Variants in FRG1 observed in about 807,000 individuals in gnomAD.
FRG1 encodes FSHD region gene 1.
A neutral mutation model predicts 37.0 loss-of-function variants in FRG1; 19 were observed. The observed-to-expected ratio is 0.51, with a 90% CI of 0.36 to 0.75. FRG1 has a LOEUF of 0.75. Among genes scored for constraint, FRG1 ranks in the 30% least tolerant of loss-of-function variants. The pLI is 0.00. For synonymous variants in FRG1, 73 were observed against 96.5 expected (o/e 0.76, Z 1.43); for missense variants, 243 against 301.4 (o/e 0.81, Z 1.44).
intron 2 of FRG1, among the ~76,000 whole-genome samples, chr4:189,944,822 G>A (rs112964359): frequency 2.0e-5 from 3 of 152,112 alleles, no homozygotes; most frequent in African/African-American, 7.2e-5. Context: ...CTTGAGATCA[G>A]GTAGTGTGAG....
At chr4:189,962,319 AG>A (rs1737271700) in intron 8 of FRG1, among the ~76,000 whole-genome samples, 1 of 151,718 alleles carries the variant, frequency 6.6e-6, no homozygotes, top group Non-Finnish European at 1.5e-5. Flanking sequence ...TAAGTATAAA[AG>A]CTAAACAAGT....
At chr4:189,948,570 C>T (rs956848081) in intron 2 of FRG1, among the ~76,000 whole-genome samples, 2 of 152,140 alleles carry the variant, frequency 1.3e-5, no homozygotes, top group African/African-American at 4.8e-5. Flanking sequence ...TAAGGGGGCC[C>T]TTAGCACGGA....
intron 7 of FRG1, chr4:189,961,440 C>G (rs1376022751): frequency 6.3e-6 from 1 of 158,526 alleles, no homozygotes; most frequent in Non-Finnish European, 1.4e-5. Context: ...TGGAGTCTCG[C>G]TCTCTCCCCC....
intron 6 of FRG1, among the ~76,000 whole-genome samples, chr4:189,958,607 C>T (rs1222845240): frequency 3.9e-5 from 6 of 152,260 alleles, no homozygotes; most frequent in East Asian, 1.9e-4. Context: ...TAGTCAGACG[C>T]GTTATCCATT....
chr4:189,947,281 C>A (rs1299054139), intron 2 of FRG1, among the ~76,000 whole-genome samples: 1 of 151,848 alleles, frequency 6.6e-6, no homozygotes, highest in African/African-American at 2.4e-5. Context: ...AATTCTAGAT[C>A]TGTCTACTTG....
chr4:189,946,909 G>A (rs1338839126), intron 2 of FRG1, among the ~76,000 whole-genome samples: 8 of 152,156 alleles, frequency 5.3e-5, no homozygotes, highest in African/African-American at 1.9e-4. Context: ...CTGGAGTGCA[G>A]TGGTGCAATC....
intron 4 of FRG1, 21 bp from the exon 5 acceptor site, chr4:189,955,016 A>G (rs1334153666): frequency 4.2e-6 from 6 of 1,443,332 alleles, no homozygotes; most frequent in Admixed American, 3.4e-5. Flanking sequence ...TTTAACTTTT[A>G]TCTATGTTAT....
In FRG1 at chr4:189,940,986, T is replaced by C; in HGVS notation, c.-24T>C. ...CTCGTCCAGAACCGGCCTCAGCCTC[T>C]CCGCGCAGAAGTTTCCCGGAGCCAT... On this transcript the variant is annotated 5_prime_UTR_variant, in exon 1 of 9. Transcript: ENST00000226798. The C allele has an allele frequency of 6.2e-7, 1 of 1,608,422 alleles. No individual in the cohort carries two copies. Among genetic ancestry groups the C allele is most frequent in the South Asian group, 1.1e-5 (1 of 90,928 alleles).
chr4:189,945,217 CTTCT>C (rs1736474739), intron 2 of FRG1, among the ~76,000 whole-genome samples: 1 of 152,134 alleles, frequency 6.6e-6, no homozygotes, highest in African/African-American at 2.4e-5. Flanking sequence ...TATCGTTTTA[CTTCT>C]TTCTTTCTAA....
rs369974379 is a variant in FRG1, at chr4:189,963,093, G to A, written c.741G>A (p.Arg247=). The change falls in exon 9 of 9, where the codon AGG becomes AGA. Residue 247 remains arginine (R), a splice_region_variant and synonymous_variant. Transcript: ENST00000226798. The stretch of plus-strand genomic sequence containing the variant: ...ATTTTATTTTTCTTTGTTTAAACAG[G>A]AGAGCCAAATTGAAAGCCGACAGAT... The part of the protein sequence containing the change: ...DGFLHETLLD[R]RAKLKADRYC... 4.4e-6 allele frequency: 7 copies of A among 1,608,146 alleles called. No homozygotes were observed. Among genetic ancestry groups the A allele is most frequent in the Non-Finnish European group, 6.0e-6 (7 of 1,175,542 alleles).
In FRG1 at chr4:189,961,924, T is replaced by C. The variant is rs753051337; in HGVS notation, c.732T>C (p.Leu244=). 70 of 1,529,108 alleles carry C rather than the reference T, an allele frequency of 4.6e-5. No individual in the cohort carries two copies. The South Asian group carries it at 8.2e-4, about 18-fold the overall frequency. The allele number at this position is 1,529,108 out of a possible 1,614,324, so 94.7% of individuals were successfully genotyped here. A position where few individuals can be genotyped will look rare whatever the true frequency, so the allele number is the denominator to read the frequency against. ...AAGATGGATTTTTGCATGAGACGCT[T>C]CTGGACAGGTAGCTATTTATTTACT... ...ARKDGFLHET[L]LDRRAKLKAD... Residue 244 remains leucine, a synonymous_variant, in exon 8 of 9, where the codon CTT becomes CTC. Coordinates refer to ENST00000226798, the MANE Select transcript of FRG1 (RefSeq NM_004477.3).
At position 189,961,920 on chromosome 4, in the gene FRG1, C is replaced by G. The variant is rs199625825; in HGVS notation, c.728C>G (p.Thr243Arg). 1 of 1,520,278 alleles carries G rather than the reference C, an allele frequency of 6.6e-7. No individual in the cohort carries two copies. The highest frequency in any genetic ancestry group is 1.2e-5 in the South Asian group (1 of 81,864). The allele number at this position is 1,520,278 out of a possible 1,614,324, so 94.2% of individuals were successfully genotyped here. Residue 243 changes from threonine to arginine, a missense_variant, in exon 8 of 9, where the codon ACG becomes AGG. Thr to Arg is a moderately conservative substitution (Grantham distance 71). This residue lies in a region of FRG1 where 133 missense variants were observed against 199.3 expected (regional missense o/e 0.67). Transcript: ENST00000226798. The stretch of plus-strand genomic sequence containing the variant: ...CGGAAAGATGGATTTTTGCATGAGA[C>G]GCTTCTGGACAGGTAGCTATTTATT... ...KARKDGFLHE[T>R]LLDRRAKLKA...
chr4:189,950,611 G>T (rs1736711984), intron 2 of FRG1, among the ~76,000 whole-genome samples: 1 of 152,126 alleles, frequency 6.6e-6, no homozygotes. Flanking sequence ...ATTATGGAAA[G>T]CATGAAATGT....
rs1371484214 is a variant in FRG1, at chr4:189,952,228, G to A, written c.200G>A (p.Gly67Glu). 2 of 1,608,778 alleles carry A rather than the reference G, an allele frequency of 1.2e-6. No individual in the cohort carries two copies. The highest frequency in any genetic ancestry group is 1.1e-5 in the South Asian group (1 of 90,760). Residue 67 changes from glycine to glutamate, a missense_variant, in exon 3 of 9, where the codon GGA (glycine) becomes GAA (glutamate). Gly to Glu is a moderately conservative substitution (Grantham distance 98). Coordinates refer to ENST00000226798, the MANE Select transcript of FRG1 (RefSeq NM_004477.3). ...ACCATAGCCATTGAAATGGATAAGG[G>A]AACCTATATACATGCACTCGACAAT... ...SGTIAIEMDK[G>E]TYIHALDNGL...
intron 5 of FRG1, among the ~76,000 whole-genome samples, chr4:189,955,520 T>C (rs74441081): frequency 6.6e-6 from 1 of 152,178 alleles, no homozygotes; most frequent in African/African-American, 2.4e-5. Flanking sequence ...CAGTGGAGCT[T>C]GCTAAGACCA....
At chr4:189,948,159 G>A (rs1400484257) in intron 2 of FRG1, among the ~76,000 whole-genome samples, 1 of 152,114 alleles carries the variant, frequency 6.6e-6, no homozygotes, top group Non-Finnish European at 1.5e-5. Flanking sequence ...GTATAAGTAA[G>A]CATGTGCCTA....
At chr4:189,947,085 A>G (rs1736560246) in intron 2 of FRG1, among the ~76,000 whole-genome samples, 2 of 152,180 alleles carry the variant, frequency 1.3e-5, no homozygotes, top group South Asian at 4.1e-4. Context: ...CAAACTCCTG[A>G]CCTCAGGTGA....
At chr4:189,950,600 T>C (rs371819631) in intron 2 of FRG1, among the ~76,000 whole-genome samples, 101 of 152,116 alleles carry the variant, frequency 6.6e-4, no homozygotes, top group African/African-American at 2.4e-3. Flanking sequence ...TTTTAAAATT[T>C]ATTATGGAAA....
chr4:189,948,316 G>C (rs1736614269), intron 2 of FRG1, among the ~76,000 whole-genome samples: 1 of 152,150 alleles, frequency 6.6e-6, no homozygotes, highest in East Asian at 1.9e-4. Context: ...ATAAAAACGA[G>C]CATGTCTGTA....
Sources: allele counts gnomAD v4.1 joint callset (sites outside exome capture counted in the v4.1 genomes callset), GRCh38; gene constraint gnomAD v4.1.1; regional missense constraint gnomAD v4.1.1; transcripts MANE v1.5; gene names NCBI Gene and HGNC (gene_info 2026-07-23, HGNC 2026-07-21).